The following PPFIBP1 variants were observed in gnomAD, a reference collection of about 807,000 sequenced individuals.
PPFIBP1 encodes liprin-beta-1.
Under a neutral mutation model 137.8 loss-of-function variants are expected in PPFIBP1, and 112 were observed. The ratio of observed to expected loss-of-function variants is 0.81; its 90% CI spans 0.70 to 0.95. The LOEUF is 0.95. PPFIBP1 is among the 40% of genes least tolerant of loss of function. PPFIBP1 has a pLI of 0.00. For synonymous variants in PPFIBP1, 378 were observed against 417.3 expected, an observed-to-expected ratio of 0.91 and a Z score of 1.15; for missense variants, 1,083 against 1,196.6, an observed-to-expected ratio of 0.91 and a Z score of 1.40.
At chr12:27,669,729 A>G (rs2060066485) in intron 13 of PPFIBP1, among the ~76,000 whole-genome samples, 1 of 152,234 alleles carries the variant, frequency 6.6e-6, no homozygotes, top group Non-Finnish European at 1.5e-5. Context: ...ATAGTTAAAT[A>G]ATCTGCTACT....
intron 4 of PPFIBP1, chr12:27,637,085 T>A (rs909616439): frequency 3.3e-5 from 5 of 152,244 alleles, no homozygotes; most frequent in African/African-American, 1.2e-4. Flanking sequence ...GTCTTACATC[T>A]CCCTGCTTAT....
chr12:27,570,906 G>C (rs2050088580), intron 1 of PPFIBP1, among the ~76,000 whole-genome samples: 1 of 150,862 alleles, frequency 6.6e-6, no homozygotes, highest in Non-Finnish European at 1.5e-5. Flanking sequence ...GTGAGACTCT[G>C]TCTCAAAGAA....
chr12:27,558,007 C>G (rs2048839650), intron 1 of PPFIBP1, among the ~76,000 whole-genome samples: 1 of 152,032 alleles, frequency 6.6e-6, no homozygotes, highest in African/African-American at 2.4e-5. Context: ...CCTTTATTTC[C>G]AAGAGTCAGT....
chr12:27,610,519 C>T (rs748748430), intron 2 of PPFIBP1, among the ~76,000 whole-genome samples: 12 of 152,196 alleles, frequency 7.9e-5, no homozygotes, highest in African/African-American at 1.2e-4. Context: ...AGAGGCACAA[C>T]ATTTTTTCAT....
chr12:27,542,042 C>G (rs975902022), intron 1 of PPFIBP1, among the ~76,000 whole-genome samples: 7 of 152,062 alleles, frequency 4.6e-5, no homozygotes, highest in African/African-American at 1.4e-4. Flanking sequence ...CCCTGGTTTT[C>G]TCATCTGTGA....
intron 1 of PPFIBP1, among the ~76,000 whole-genome samples, chr12:27,571,667 C>T (rs892478561): frequency 2.0e-5 from 3 of 152,164 alleles, no homozygotes; most frequent in Non-Finnish European, 4.4e-5. Flanking sequence ...GTGTTAGTTC[C>T]TGCAGTTCTA....
At chr12:27,633,533 A>G (rs1157702213) in intron 3 of PPFIBP1, 73 bp downstream of exon 3, 7 of 1,274,164 alleles carry the variant, frequency 5.5e-6, no homozygotes, top group South Asian at 1.3e-5. Context: ...TACAACTTTC[A>G]TATTATCTTT....
intron 1 of PPFIBP1, among the ~76,000 whole-genome samples, chr12:27,554,269 TTCTCA>T (rs1368221177): frequency 1.3e-5 from 2 of 152,254 alleles, no homozygotes; most frequent in Non-Finnish European, 2.9e-5. Flanking sequence ...TCCGCCAGAT[TTCTCA>T]GCCTAGTGAA....
At chr12:27,649,953 T>C (rs2058774981) in intron 6 of PPFIBP1, 57 bp from the exon 7 acceptor site, 4 of 1,506,746 alleles carry the variant, frequency 2.7e-6, no homozygotes, top group Non-Finnish European at 2.7e-6. Context: ...ATGAGGTAAA[T>C]TCACGTGCCT....
intron 5 of PPFIBP1, among the ~76,000 whole-genome samples, chr12:27,647,045 A>G (rs1219249251): frequency 6.6e-6 from 1 of 152,180 alleles, no homozygotes; most frequent in South Asian, 2.1e-4. Flanking sequence ...TCTGTTGCCG[A>G]GACGGGAGTG....
At chr12:27,627,215 C>T (rs1298912491) in intron 2 of PPFIBP1, among the ~76,000 whole-genome samples, 3 of 152,150 alleles carry the variant, frequency 2.0e-5, no homozygotes, top group Non-Finnish European at 4.4e-5. Context: ...AAGATAGTTT[C>T]TCTTTGCTGA....
At chr12:27,641,772 G>T (rs1205670510) in intron 4 of PPFIBP1, among the ~76,000 whole-genome samples, 1 of 152,020 alleles carries the variant, frequency 6.6e-6, no homozygotes, top group Non-Finnish European at 1.5e-5. Flanking sequence ...ATACCAATTA[G>T]GCTAAAAGCA....
chr12:27,628,525 G>A (rs2057018682), intron 2 of PPFIBP1, among the ~76,000 whole-genome samples: 1 of 152,160 alleles, frequency 6.6e-6, no homozygotes, highest in Non-Finnish European at 1.5e-5. Context: ...TCCACCCAAA[G>A]AACTCAACTA....
intron 1 of PPFIBP1, among the ~76,000 whole-genome samples, chr12:27,546,708 T>G (rs1176231473): frequency 6.6e-6 from 1 of 152,236 alleles, no homozygotes; most frequent in African/African-American, 2.4e-5. Context: ...AATTGTTCCC[T>G]GTTCTTAAAA....
intron 19 of PPFIBP1, among the ~76,000 whole-genome samples, chr12:27,678,726 C>T (rs1255548262): frequency 2.0e-5 from 3 of 151,622 alleles, no homozygotes; most frequent in Non-Finnish European, 2.9e-5. Context: ...GGTGTGGTGG[C>T]GGGTGCCTGT....
chr12:27,624,238 A>T (rs909851873), intron 2 of PPFIBP1, among the ~76,000 whole-genome samples: 1 of 152,184 alleles, frequency 6.6e-6, no homozygotes, highest in Non-Finnish European at 1.5e-5. Flanking sequence ...AGTGAGAGGC[A>T]TATGTGGGAA....
rs535969762 is a variant in PPFIBP1 at position 27,529,505 on chromosome 12, C to A, written c.-124+5140C>A. ...GGTCAGGAGTTCGAGACCAGCCTGG[C>A]CAACATGGCAAAACCCCGTCTCTAC... is the stretch of plus-strand genomic sequence containing the variant. On this transcript the variant is annotated intron_variant, in intron 1 of 29. Coordinates refer to ENST00000228425, the MANE Select transcript of PPFIBP1 (RefSeq NM_003622.4). Among the ~76,000 whole-genome samples the A allele has an allele frequency of 2.0e-5, 3 of 152,220 alleles. No homozygotes were observed. The South Asian group carries it at 6.2e-4, about 32-fold the overall frequency.
intron 21 of PPFIBP1, 132 bp downstream of exon 21, chr12:27,680,193 C>A: frequency 7.9e-7 from 1 of 1,261,138 alleles, no homozygotes; most frequent in South Asian, 1.5e-5. Flanking sequence ...AAGGGGCCAT[C>A]ATCTTTAGAG....
At chr12:27,605,475 G>T (rs543852593) in intron 2 of PPFIBP1, among the ~76,000 whole-genome samples, 29 of 152,062 alleles carry the variant, frequency 1.9e-4, no homozygotes, top group African/African-American at 7.0e-4. Context: ...CCACAAGTGG[G>T]AACCATTAAC....
Sources: allele counts gnomAD v4.1 joint callset (sites outside exome capture counted in the v4.1 genomes callset), GRCh38; gene constraint gnomAD v4.1.1; transcripts MANE v1.5; gene names NCBI Gene and HGNC (gene_info 2026-07-23, HGNC 2026-07-21).